Variants in ZSCAN20 observed in about 807,000 individuals in gnomAD.
ZSCAN20 encodes the protein zinc finger and SCAN domain-containing protein 20.
A neutral mutation model predicts 97.1 loss-of-function variants in ZSCAN20; 39 were observed. The ratio of observed to expected loss-of-function variants is 0.40; its 90% CI spans 0.31 to 0.52. The LOEUF (loss-of-function observed/expected upper bound fraction) is 0.52, where lower values mean the gene tolerates loss of function less well. ZSCAN20 is among the 20% of genes least tolerant of loss of function. ZSCAN20 has a pLI of 0.49. For synonymous variants in ZSCAN20, 456 were observed against 467.3 expected, an observed-to-expected ratio of 0.98 and a Z score of 0.31; for missense variants, 1,115 against 1,290.4, an observed-to-expected ratio of 0.86 and a Z score of 2.08.
chr1:33,494,564 C>T lies in ZSCAN20; in HGVS notation c.2220C>T (p.Cys740=), dbSNP rs376228015. ...RIHTGEKPYK[C]LECGKNFSDR... ...ACACAGGTGAGAAGCCCTACAAATG[C>T]CTTGAATGTGGAAAAAACTTTAGTG... is the stretch of plus-strand genomic sequence containing the variant. The change falls in exon 8 of 8, where the codon TGC becomes TGT. Residue 740 remains cysteine, a synonymous_variant. Transcript: ENST00000684572. 1.1e-4 allele frequency: 180 copies of T among 1,613,890 alleles called. No homozygotes were observed. The highest frequency in any genetic ancestry group is 1.5e-4 in the Non-Finnish European group (175 of 1,179,874).
In ZSCAN20 at chr1:33,501,547, T is replaced by TG. The variant is rs199755887; in HGVS notation, c.*6071_*6072insG. ...CCCCATTTTCTGTTATTTTTTTTTT[T>TG]TTTGTGCTGTTATGTACATCTCTTA... On this transcript the variant is annotated 3_prime_UTR_variant, in exon 8 of 8. Transcript: ENST00000684572. Among the ~76,000 whole-genome samples the TG allele has an allele frequency of 7.1e-3, 1,082 of 151,740 alleles. 20 individuals carry two copies. The highest frequency in any genetic ancestry group is 0.025 in the African/African-American group (1,044 of 41,324).
chr1:33,499,564 A>G lies in ZSCAN20; in HGVS notation c.*4088A>G, dbSNP rs1013492079. The stretch of plus-strand genomic sequence containing the variant: ...AGCACGTGCATTGATGTACACACTC[A>G]GTGACTCCCATCCAAGCCTCCCCTG... On this transcript the variant is annotated 3_prime_UTR_variant, in exon 8 of 8. Transcript: ENST00000684572. Among the ~76,000 whole-genome samples the G allele has an allele frequency of 6.6e-6, 1 of 152,076 alleles. No homozygotes were observed. The highest frequency in any genetic ancestry group is 1.5e-5 in the Non-Finnish European group (1 of 68,026).
chr1:33,489,870 C>T (rs964418386), intron 5 of ZSCAN20, among the ~76,000 whole-genome samples: 8 of 152,102 alleles, frequency 5.3e-5, no homozygotes, highest in Admixed American at 4.6e-4. Flanking sequence ...GTCCAGGGGC[C>T]AGGCCTGGAC....
At chr1:33,484,704 C>T (rs993628771) in intron 2 of ZSCAN20, among the ~76,000 whole-genome samples, 3 of 151,656 alleles carry the variant, frequency 2.0e-5, no homozygotes, top group Non-Finnish European at 4.4e-5. Flanking sequence ...TCACTGCAAC[C>T]TCTGCCTCCT....
At position 33,495,109 on chromosome 1, in the gene ZSCAN20, A is replaced by G. The variant is rs1391003170; in HGVS notation, c.2765A>G (p.Gln922Arg). The part of the protein sequence containing the change: ...FSKSSTLANH[Q>R]RTHTGEKPYK... ...AAGAGCTCCACCCTGGCCAACCACCAGCGCACCCACACTGGAGAGAAGCCG... is the reference window on the plus strand; with the variant it reads ...AAGAGCTCCACCCTGGCCAACCACCGGCGCACCCACACTGGAGAGAAGCCG... The change falls in exon 8 of 8, where the codon CAG (glutamine) becomes CGG (arginine). Residue 922 changes from glutamine to arginine, a missense_variant. Coordinates refer to ENST00000684572, the MANE Select transcript of ZSCAN20 (RefSeq NM_001377376.1). The G allele has an allele frequency of 6.2e-7, 1 of 1,613,066 alleles. No individual in the cohort carries two copies. Among genetic ancestry groups the G allele is most frequent in the African/African-American group, 1.3e-5 (1 of 74,882 alleles).
At chr1:33,485,616 G>A (rs943474058) in intron 2 of ZSCAN20, among the ~76,000 whole-genome samples, 18 of 151,650 alleles carry the variant, frequency 1.2e-4, no homozygotes, top group Admixed American at 2.6e-4. Context: ...ATTTCACCAC[G>A]TTTCCCAAGC....
At position 33,494,437 on chromosome 1, in the gene ZSCAN20, T is replaced by C; in HGVS notation, c.2093T>C (p.Ile698Thr). 5 of 1,613,566 alleles carry C rather than the reference T, an allele frequency of 3.1e-6. No homozygotes were observed. Among genetic ancestry groups the C allele is most frequent in the Non-Finnish European group, 3.4e-6 (4 of 1,179,674 alleles). Reference protein sequence around the residue: ...SSSEEDLEKLIDHQGLYLAEK... With the variant: ...SSSEEDLEKLTDHQGLYLAEK... Reference sequence around the variant, plus strand: ...TCTGAAGAGGACTTAGAAAAACTTATTGACCATCAAGGCCTGTACCTTGCA... The same window carrying C: ...TCTGAAGAGGACTTAGAAAAACTTACTGACCATCAAGGCCTGTACCTTGCA... The change falls in exon 8 of 8, where the codon ATT (isoleucine) becomes ACT (threonine). Residue 698 changes from isoleucine (I) to threonine (T), a missense_variant. Around this residue, in one of 3 missense-constraint regions of ZSCAN20, gnomAD observed 554 missense variants for 584.9 expected, o/e 0.95. Transcript: ENST00000684572.
In ZSCAN20 at chr1:33,494,933, T is replaced by C; in HGVS notation, c.2589T>C (p.Pro863=). ...GTATCAGTAAGGACTTGAATTCTCC[T>C]GGACCACACAGCACAAACTCAGGGG... is the stretch of plus-strand genomic sequence containing the variant. ...PQSISKDLNS[P]GPHSTNSGEK... is the part of the protein sequence containing the mutation. Residue 863 remains proline, a synonymous_variant, in exon 8 of 8, where the codon CCT becomes CCC. Coordinates refer to ENST00000684572, the MANE Select transcript of ZSCAN20 (RefSeq NM_001377376.1). 6.2e-7 allele frequency: 1 copy of C among 1,614,200 alleles called. No homozygotes were observed. The highest frequency in any genetic ancestry group is 1.3e-5 in the African/African-American group (1 of 75,046).
chr1:33,490,379 C>A (rs534997488), intron 5 of ZSCAN20, among the ~76,000 whole-genome samples: 1 of 151,976 alleles, frequency 6.6e-6, no homozygotes, highest in Non-Finnish European at 1.5e-5. Context: ...TTGTTAGGGC[C>A]GGGAGCTGTT....
At chr1:33,494,133 C>T (rs531559640) in intron 7 of ZSCAN20, 85 bp from the exon 8 acceptor site, 28 of 1,254,596 alleles carry the variant, frequency 2.2e-5, no homozygotes, top group Non-Finnish European at 2.4e-5. Flanking sequence ...GCCAAATTCA[C>T]AGATGTACAA....
At chr1:33,485,076 T>C (rs1393170571) in intron 2 of ZSCAN20, among the ~76,000 whole-genome samples, 1 of 152,232 alleles carries the variant, frequency 6.6e-6, no homozygotes, top group Non-Finnish European at 1.5e-5. Flanking sequence ...TAGTAGAGAA[T>C]TGTTATAATT....
At chr1:33,478,509 C>A (rs769315781) in intron 1 of ZSCAN20, among the ~76,000 whole-genome samples, 3 of 151,892 alleles carry the variant, frequency 2.0e-5, no homozygotes, top group Non-Finnish European at 4.4e-5. Flanking sequence ...GCCTAAGGGA[C>A]AGTCAAGTAG....
At chr1:33,486,164 C>T (rs1463725461) in intron 2 of ZSCAN20, among the ~76,000 whole-genome samples, 1 of 152,220 alleles carries the variant, frequency 6.6e-6, no homozygotes, top group African/African-American at 2.4e-5. Context: ...TTCCTGCCAT[C>T]TGCCATAAGC....
At chr1:33,473,994 G>A (rs1651828285) in intron 1 of ZSCAN20, among the ~76,000 whole-genome samples, 1 of 152,204 alleles carries the variant, frequency 6.6e-6, no homozygotes. Flanking sequence ...GATTTCCAGG[G>A]CAGGAGCTTT....
chr1:33,485,979 C>G (rs893681342), intron 2 of ZSCAN20, among the ~76,000 whole-genome samples: 1 of 152,028 alleles, frequency 6.6e-6, no homozygotes, highest in Non-Finnish European at 1.5e-5. Context: ...GGACAGGATG[C>G]CTAAAGGGGG....
chr1:33,494,655 T>C lies in ZSCAN20; in HGVS notation c.2311T>C (p.Cys771Arg). Residue 771 changes from cysteine to arginine, a missense_variant, in exon 8 of 8, where the codon TGT (cysteine) becomes CGT (arginine). Physicochemically the swap from Cys to Arg is radical, Grantham distance 180. Transcript: ENST00000684572. ...TGEKPYKCLECGKSFSDHSNL... is the reference protein window; with the variant it reads ...TGEKPYKCLERGKSFSDHSNL... ...AGAGAAGCCCTATAAATGCCTTGAA[T>C]GTGGGAAAAGCTTTAGTGACCATTC... is the stretch of plus-strand genomic sequence containing the variant. 1.2e-6 allele frequency: 2 copies of C among 1,614,106 alleles called. No homozygotes were observed. Among genetic ancestry groups the C allele is most frequent in the East Asian group, 4.5e-5 (2 of 44,876 alleles).
rs150480372 is a variant in ZSCAN20 at position 33,494,092 on chromosome 1, G to A, written c.1874-126G>A. 91 of 843,478 alleles carry A rather than the reference G, an allele frequency of 1.1e-4. 1 individual carries two copies. The highest frequency in any genetic ancestry group is 5.3e-5 in the East Asian group (2 of 37,410). 52.2% of individuals were successfully genotyped at this position (843,478 alleles called of 1,614,324 possible). A position where few individuals can be genotyped will look rare whatever the true frequency, so the allele number is the denominator to read the frequency against. On this transcript the variant is annotated intron_variant, in intron 7 of 7. Coordinates refer to ENST00000684572, the MANE Select transcript of ZSCAN20 (RefSeq NM_001377376.1). ...TGTTAGTCACATTTATAAGATGTGCGATAGAAGATATAAGAATCAAATTCA... is the reference window on the plus strand; with the variant it reads ...TGTTAGTCACATTTATAAGATGTGCAATAGAAGATATAAGAATCAAATTCA...
intron 5 of ZSCAN20, among the ~76,000 whole-genome samples, chr1:33,490,474 T>C (rs59277645): frequency 5.1e-4 from 78 of 152,298 alleles, no homozygotes; most frequent in African/African-American, 1.7e-3. Flanking sequence ...GAGGAGGACA[T>C]GCTCCAGCCA....
chr1:33,491,635 G>A lies in ZSCAN20; in HGVS notation c.1377G>A (p.Leu459=). The change falls in exon 6 of 8, where the codon CTG becomes CTA. Residue 459 remains leucine, a synonymous_variant. Coordinates refer to ENST00000684572, the MANE Select transcript of ZSCAN20 (RefSeq NM_001377376.1). The surrounding 1 kb of genome is among the most constrained non-coding windows in gnomAD (Gnocchi z 4.3). ...EMAEDCNGAG[L]VNVESTQGPR... ...CAGAAGACTGTAACGGTGCTGGCCT[G>A]GTCAATGTTGAGTCTACCCAGGGGC... 1 of 1,614,046 alleles carries A rather than the reference G, an allele frequency of 6.2e-7. No homozygotes were observed. Among genetic ancestry groups the A allele is most frequent in the South Asian group, 1.1e-5 (1 of 91,048 alleles).
Sources: allele counts gnomAD v4.1 joint callset (sites outside exome capture counted in the v4.1 genomes callset), GRCh38; gene constraint gnomAD v4.1.1; regional missense constraint gnomAD v4.1.1; non-coding constraint Gnocchi (gnomAD v3.1); transcripts MANE v1.5; gene names NCBI Gene and HGNC (gene_info 2026-07-23, HGNC 2026-07-21).